Variants in SMYD3 observed in about 807,000 individuals in gnomAD.
SMYD3 encodes SET and MYND domain containing 3.
Under a neutral mutation model 57.7 loss-of-function variants are expected in SMYD3, and 36 were observed. The ratio of observed to expected loss-of-function variants is 0.62; its 90% CI spans 0.48 to 0.82. The LOEUF (loss-of-function observed/expected upper bound fraction) is 0.82. Among genes scored for constraint, SMYD3 ranks in the 40% least tolerant of loss-of-function variants. The pLI, the probability that SMYD3 is intolerant of heterozygous loss-of-function variation, is 0.00. For synonymous variants in SMYD3, 211 were observed against 195.0 expected, an observed-to-expected ratio of 1.08 and a Z score of -0.68; for missense variants, 515 against 538.8, an observed-to-expected ratio of 0.96 and a Z score of 0.44.
intron 5 of SMYD3, among the ~76,000 whole-genome samples, chr1:246,265,969 G>C (rs1362143679): frequency 6.6e-6 from 1 of 152,200 alleles, no homozygotes; most frequent in Non-Finnish European, 1.5e-5. Flanking sequence ...TTTTAACACT[G>C]AAGGTCCTTG....
At chr1:245,751,909 T>C (rs2045397343) in intron 11 of SMYD3, among the ~76,000 whole-genome samples, 1 of 152,230 alleles carries the variant, frequency 6.6e-6, no homozygotes. Flanking sequence ...AGCCCCCACC[T>C]TGCAAGCAGC....
At chr1:246,238,880 T>TTTTC (rs941476926) in intron 5 of SMYD3, among the ~76,000 whole-genome samples, 12 of 148,916 alleles carry the variant, frequency 8.1e-5, no homozygotes, top group African/African-American at 2.7e-4. Context: ...TTCAAAGTTA[T>TTTTC]TTTCTTTGTT....
intron 5 of SMYD3, among the ~76,000 whole-genome samples, chr1:246,302,622 A>G (rs1386689194): frequency 1.3e-5 from 2 of 152,176 alleles, no homozygotes; most frequent in Non-Finnish European, 2.9e-5. Flanking sequence ...GGTTAGGGTT[A>G]GCTAAGTAGG....
chr1:246,182,292 A>G, intron 5 of SMYD3, among the ~76,000 whole-genome samples: 1 of 151,826 alleles, frequency 6.6e-6, no homozygotes, highest in Non-Finnish European at 1.5e-5. Context: ...CCTTTCTCCT[A>G]TTACCTCAGC....
chr1:246,235,159 T>C lies in SMYD3; in HGVS notation c.531+92042A>G, dbSNP rs561250125. Among the ~76,000 whole-genome samples, 6 of 152,230 alleles carry C rather than the reference T, an allele frequency of 3.9e-5. No individual in the cohort carries two copies. The South Asian group carries it at 1.2e-3, about 32-fold the overall frequency. ...AATAGACCTGCCTCTAAGTATAAGG[T>C]TGAGGCAGAAGATATACAATCATAG... is the stretch of plus-strand genomic sequence containing the variant. On this transcript the variant is annotated intron_variant, in intron 5 of 11. Transcript: ENST00000490107.
At chr1:246,143,793 C>T (rs756307091) in intron 5 of SMYD3, among the ~76,000 whole-genome samples, 8 of 152,208 alleles carry the variant, frequency 5.3e-5, no homozygotes, top group Non-Finnish European at 1.2e-4. Flanking sequence ...CTTCTGGATC[C>T]TCCCATCTGT....
chr1:245,838,686 T>C (rs748441687), intron 10 of SMYD3, among the ~76,000 whole-genome samples: 2 of 152,244 alleles, frequency 1.3e-5, no homozygotes, highest in Non-Finnish European at 2.9e-5. Flanking sequence ...AGTTTAAGTC[T>C]CGTTAGTGTC....
At chr1:246,338,135 T>G (rs1010000270) in intron 2 of SMYD3, among the ~76,000 whole-genome samples, 18 of 152,170 alleles carry the variant, frequency 1.2e-4, no homozygotes, top group African/African-American at 4.3e-4. Context: ...GAGAAAGCAA[T>G]CATACCACTT....
chr1:246,434,190 A>G (rs1267075445), intron 1 of SMYD3, among the ~76,000 whole-genome samples: 3 of 152,354 alleles, frequency 2.0e-5, no homozygotes, highest in East Asian at 3.9e-4. Context: ...CTTCTAAAGG[A>G]TTGGTTTAGG....
intron 10 of SMYD3, among the ~76,000 whole-genome samples, chr1:245,823,222 T>C (rs1240625698): frequency 6.6e-6 from 1 of 152,234 alleles, no homozygotes; most frequent in Non-Finnish European, 1.5e-5. Flanking sequence ...TCATCTCTTC[T>C]ACATTGTTCA....
At chr1:245,750,358 C>T (rs2045285571) in intron 11 of SMYD3, among the ~76,000 whole-genome samples, 1 of 152,132 alleles carries the variant, frequency 6.6e-6, no homozygotes, top group African/African-American at 2.4e-5. Context: ...GAAGCCCAAG[C>T]CACATAGAGG....
intron 5 of SMYD3, among the ~76,000 whole-genome samples, chr1:246,107,141 G>A (rs2061141877): frequency 6.9e-6 from 1 of 144,062 alleles, no homozygotes; most frequent in East Asian, 2.2e-4. Context: ...CAAAAAATTA[G>A]CCAGGCGTGG....
rs552986674 is a variant in SMYD3, at chr1:246,097,859, T to G, written c.532-167922A>C. Among the ~76,000 whole-genome samples the G allele has an allele frequency of 1.2e-3, 190 of 152,334 alleles. 1 individual carries two copies. The highest frequency in any genetic ancestry group is 4.3e-3 in the African/African-American group (179 of 41,562). On this transcript the variant is annotated intron_variant, in intron 5 of 11. Coordinates refer to ENST00000490107, the MANE Select transcript of SMYD3 (RefSeq NM_001167740.2). ...AATCTAGTTGGTTTTCTTTGAGAAT[T>G]TATTTCCTTCCCAAGTATATTTCTG... is the stretch of plus-strand genomic sequence containing the variant.
chr1:245,904,848 G>C (rs903103416), intron 8 of SMYD3, among the ~76,000 whole-genome samples: 1 of 151,582 alleles, frequency 6.6e-6, no homozygotes, highest in Non-Finnish European at 1.5e-5. Flanking sequence ...CCTTCTGCTT[G>C]AGGAGAGGAC....
Position 245,977,286 on chromosome 1 carries a change from C to T in SMYD3, c.532-47349G>A, listed in dbSNP as rs567565916. ...CCTAACACGGCTCCGCTTGATCCAG[C>T]CTCTACCACACAACAGCCATCCCCA... is the stretch of plus-strand genomic sequence containing the variant. On this transcript the variant is annotated intron_variant, in intron 5 of 11. Coordinates refer to ENST00000490107, the MANE Select transcript of SMYD3 (RefSeq NM_001167740.2). Among the ~76,000 whole-genome samples the T allele has an allele frequency of 2.0e-5, 3 of 152,352 alleles. No homozygotes were observed. The East Asian group carries it at 5.8e-4, about 29-fold the overall frequency.
At position 246,301,074 on chromosome 1, in the gene SMYD3, A is replaced by G. The variant is rs905303544; in HGVS notation, c.531+26127T>C. On this transcript the variant is annotated intron_variant, in intron 5 of 11. Coordinates refer to ENST00000490107, the MANE Select transcript of SMYD3 (RefSeq NM_001167740.2). ...CAATACCAACCCTCTGACTGTGTGA[A>G]AAGTATTAAAATACTACCAGTACCA... Among the ~76,000 whole-genome samples, 9 of 152,194 alleles carry G rather than the reference A, an allele frequency of 5.9e-5. 1 individual carries two copies. The highest frequency in any genetic ancestry group is 1.2e-4 in the Non-Finnish European group (8 of 68,020).
chr1:246,499,655 T>A (rs1051551852), intron 1 of SMYD3, among the ~76,000 whole-genome samples: 3 of 151,978 alleles, frequency 2.0e-5, no homozygotes, highest in African/African-American at 7.3e-5. Context: ...GGGGTTTCGC[T>A]ACGTTGGCCA....
At position 245,986,734 on chromosome 1, in the gene SMYD3, T is replaced by G. The variant is rs1347234072; in HGVS notation, c.532-56797A>C. 4.6e-5 allele frequency among the ~76,000 whole-genome samples: 7 copies of G among 152,204 alleles called. No individual in the cohort carries two copies. The East Asian group carries it at 1.3e-3, about 29-fold the overall frequency. On this transcript the variant is annotated intron_variant, in intron 5 of 11. Coordinates refer to ENST00000490107, the MANE Select transcript of SMYD3 (RefSeq NM_001167740.2). ...TAAAGGTGACCCACCCACGCCCACA[T>G]GCAAGGCTGGCAAGAACGGGTCATC... is the stretch of plus-strand genomic sequence containing the variant.
intron 5 of SMYD3, among the ~76,000 whole-genome samples, chr1:246,145,527 T>C (rs2061829496): frequency 6.6e-6 from 1 of 152,202 alleles, no homozygotes; most frequent in Non-Finnish European, 1.5e-5. Context: ...CTTGTTTTGA[T>C]TATTGATTAA....
Sources: allele counts gnomAD v4.1 joint callset (sites outside exome capture counted in the v4.1 genomes callset), GRCh38; gene constraint gnomAD v4.1.1; transcripts MANE v1.5; gene names NCBI Gene and HGNC (gene_info 2026-07-23, HGNC 2026-07-21).